THOC5: variants seen among roughly 807,000 people sequenced by gnomAD.
THOC5 encodes the protein Fms-interacting protein.
A neutral mutation model predicts 92.9 loss-of-function variants in THOC5; 43 were observed. The observed-to-expected ratio is 0.46, with a 90% CI of 0.36 to 0.60. The LOEUF (loss-of-function observed/expected upper bound fraction) is 0.60, where lower values mean the gene tolerates loss of function less well. THOC5 is among the 20% of genes least tolerant of loss of function. The probability of loss-of-function intolerance (pLI) is 0.00; values close to 1 mark genes in which losing one functional copy is unlikely to be tolerated. For missense variants in THOC5, 659 were observed against 849.4 expected (o/e 0.78, Z 2.79); for synonymous variants, 296 against 320.1 (o/e 0.92, Z 0.80).
chr22:29,530,051 G>A (rs1313124191), intron 8 of THOC5, among the ~76,000 whole-genome samples: 1 of 151,974 alleles, frequency 6.6e-6, no homozygotes, highest in Non-Finnish European at 1.5e-5. Context: ...GCTGAGACAG[G>A]AGAATTGCTT....
intron 12 of THOC5, among the ~76,000 whole-genome samples, chr22:29,522,760 T>C (rs1369497915): frequency 6.6e-6 from 1 of 151,070 alleles, no homozygotes; most frequent in African/African-American, 2.4e-5. Context: ...CCCAGCACTT[T>C]GGGAGGCCGA....
rs1046306339 is a variant in THOC5, at chr22:29,542,938, C to A, written c.373G>T (p.Ala125Ser). ...QTHEAKQKVD[A>S]YHLQLQNLLY... ...AGGTTCTGGAGCTGCAGATGATAGGCATCTACTTTCTGCTTAGCCTGAAAG... is the reference window on the plus strand; with the variant it reads ...AGGTTCTGGAGCTGCAGATGATAGGAATCTACTTTCTGCTTAGCCTGAAAG... The change falls in exon 5 of 20, where the codon GCC becomes TCC. Residue 125 changes from alanine (A) to serine (S), a missense_variant. Transcript: ENST00000490103. 2.5e-6 allele frequency: 4 copies of A among 1,612,386 alleles called. No homozygotes were observed. In the Admixed American group the frequency reaches 5.0e-5, roughly 20 times the overall value.
In THOC5 at chr22:29,525,936, C is replaced by T; in HGVS notation, c.1077G>A (p.Val359=). 6.2e-7 allele frequency: 1 copy of T among 1,612,746 alleles called. No homozygotes were observed. The highest frequency in any genetic ancestry group is 1.3e-5 in the African/African-American group (1 of 74,718). ...TGAGGTAGTAGAAAGTCAGGTGAAGCACACTGTCATCTGGAGGGGAGGAAG... is the reference window on the plus strand; with the variant it reads ...TGAGGTAGTAGAAAGTCAGGTGAAGTACACTGTCATCTGGAGGGGAGGAAG... The part of the protein sequence containing the change: ...MLDLKCKDDS[V]LHLTFYYLMN... Residue 359 remains valine, a synonymous_variant, in exon 12 of 20, where the codon GTG becomes GTA. Transcript: ENST00000490103.
chr22:29,512,216 T>G lies in THOC5; in HGVS notation c.1682-80A>C, dbSNP rs958611447. 15 of 1,063,060 alleles carry G rather than the reference T, an allele frequency of 1.4e-5. No homozygotes were observed. The African/African-American group carries it at 2.3e-4, about 17-fold the overall frequency. The allele number at this position is 1,063,060 out of a possible 1,614,324, so 65.9% of individuals were successfully genotyped here. A position where few individuals can be genotyped will look rare whatever the true frequency, so the allele number is the denominator to read the frequency against. On this transcript the variant is annotated intron_variant, in intron 17 of 19. Coordinates refer to ENST00000490103, the MANE Select transcript of THOC5 (RefSeq NM_003678.5). ...CATGGCAGCCTCCCCACTGCACCCCTGAGGCTAGCTCAGATGTCTCCTATT... is the reference window on the plus strand; with the variant it reads ...CATGGCAGCCTCCCCACTGCACCCCGGAGGCTAGCTCAGATGTCTCCTATT...
intron 1 of THOC5, among the ~76,000 whole-genome samples, chr22:29,552,676 C>A (rs992276889): frequency 1.3e-5 from 2 of 151,552 alleles, no homozygotes; most frequent in Non-Finnish European, 3.0e-5. Context: ...GGCGCCTCTG[C>A]CCGGCCGCCC....
Position 29,512,073 on chromosome 22 carries a change from A to T in THOC5, c.1745T>A (p.Leu582His). ...GYSSIPPVFQ[L>H]CLNWKGEKTN... is the part of the protein sequence containing the mutation. ...TTTCTCCCCTTTCCAGTTCAAACAG[A>T]GCTGGAAAACAGGTGGGATGGAGGA... is the stretch of plus-strand genomic sequence containing the variant. The change falls in exon 18 of 20, where the codon CTC becomes CAC. Residue 582 changes from leucine to histidine, a missense_variant. By Grantham distance (99) the Leu-to-His change is moderately conservative (BLOSUM62 -3). Coordinates refer to ENST00000490103, the MANE Select transcript of THOC5 (RefSeq NM_003678.5). 6.2e-7 allele frequency: 1 copy of T among 1,614,090 alleles called. No individual in the cohort carries two copies. Among genetic ancestry groups the T allele is most frequent in the Non-Finnish European group, 8.5e-7 (1 of 1,179,984 alleles).
chr22:29,521,630 C>T (rs1284220709), intron 12 of THOC5, among the ~76,000 whole-genome samples: 1 of 152,152 alleles, frequency 6.6e-6, no homozygotes, highest in Non-Finnish European at 1.5e-5. Context: ...CAGGAAAAGG[C>T]CCCCTGTATG....
At chr22:29,544,914 G>A (rs1036927843) in intron 2 of THOC5, 1 of 282,952 alleles carries the variant, frequency 3.5e-6, no homozygotes, top group Non-Finnish European at 6.9e-6. Context: ...GAAGATTGTG[G>A]ATAAATAAAC....
At chr22:29,524,683 C>T (rs1257988258) in intron 12 of THOC5, among the ~76,000 whole-genome samples, 1 of 152,180 alleles carries the variant, frequency 6.6e-6, no homozygotes, top group Non-Finnish European at 1.5e-5. Context: ...TCATCCAGAG[C>T]ACCCCTGGGG....
chr22:29,534,969 A>AG (rs1360276286), intron 7 of THOC5: 4 of 150,860 alleles, frequency 2.7e-5, no homozygotes, highest in African/African-American at 9.8e-5. Context: ...AAAAAAAAAA[A>AG]AAAAAAAAAG....
In THOC5 at chr22:29,531,974, G is replaced by C; in HGVS notation, c.715-11C>G. The C allele has an allele frequency of 1.9e-6, 3 of 1,613,054 alleles. No homozygotes were observed. Among genetic ancestry groups the C allele is most frequent in the Non-Finnish European group, 2.5e-6 (3 of 1,179,240 alleles). The stretch of plus-strand genomic sequence containing the variant: ...CACCGGAAGGGAAGCCTGCACACAA[G>C]AGACAGATTTTTGTTCTTCCTTTTT... On this transcript the variant is annotated splice_polypyrimidine_tract_variant and intron_variant, in intron 7 of 19. Coordinates refer to ENST00000490103, the MANE Select transcript of THOC5 (RefSeq NM_003678.5).
chr22:29,525,745 A>G, intron 12 of THOC5, 93 bp downstream of exon 12: 1 of 982,528 alleles, frequency 1.0e-6, no homozygotes, highest in South Asian at 1.4e-5. Context: ...AGCCCTCTCC[A>G]GAGCCAGAGG....
intron 12 of THOC5, among the ~76,000 whole-genome samples, chr22:29,525,551 A>G (rs1303427492): frequency 6.6e-6 from 1 of 152,168 alleles, no homozygotes; most frequent in East Asian, 1.9e-4. Context: ...CACACTTTCC[A>G]CTGGTAGCAA....
rs1263657175 is a variant in THOC5, at chr22:29,549,123, G to GT, written c.24dup (p.Arg9ThrfsTer14). 5 of 1,613,968 alleles carry GT rather than the reference G, an allele frequency of 3.1e-6. No individual in the cohort carries two copies. In the African/African-American group the frequency reaches 4.0e-5, roughly 13 times the overall value. Reference sequence around the variant, plus strand: ...TCGCTTCGGATCACTTTGGGCTTCCGTTTTTTGCTCGATTCTGATGACATG... The same window carrying GT: ...TCGCTTCGGATCACTTTGGGCTTCCGTTTTTTTGCTCGATTCTGATGACATG... On this transcript the variant is annotated frameshift_variant, in exon 2 of 20. Coordinates refer to ENST00000490103, the MANE Select transcript of THOC5 (RefSeq NM_003678.5). LOFTEE classifies it high-confidence loss of function.
Position 29,507,093 on chromosome 22 carries a change from ACTC to A in THOC5, c.*1361_*1363del, listed in dbSNP as rs1459246152. On this transcript the variant is annotated 3_prime_UTR_variant, in exon 20 of 20. Transcript: ENST00000490103. ...ACTACGTTGCCCAGGCTGGACCTGA[ACTC>A]CTGGCCTCAAGGGATCCTCCCGCCT... is the stretch of plus-strand genomic sequence containing the variant. The A allele has an allele frequency of 6.6e-6, 1 of 152,098 alleles. No individual in the cohort carries two copies. Among genetic ancestry groups the A allele is most frequent in the Non-Finnish European group, 1.5e-5 (1 of 68,116 alleles). 9.4% of individuals were successfully genotyped at this position (152,098 alleles called of 1,614,324 possible). A position where few individuals can be genotyped will look rare whatever the true frequency, so the allele number is the denominator to read the frequency against.
At chr22:29,509,982 CAG>C (rs1218765272) in intron 19 of THOC5, among the ~76,000 whole-genome samples, 2 of 152,200 alleles carry the variant, frequency 1.3e-5, no homozygotes, top group African/African-American at 2.4e-5. Flanking sequence ...TGATTAGAAA[CAG>C]ATTATCACTC....
intron 17 of THOC5, among the ~76,000 whole-genome samples, chr22:29,515,437 A>G (rs896202160): frequency 3.9e-5 from 6 of 152,116 alleles, no homozygotes; most frequent in Admixed American, 3.9e-4. Flanking sequence ...AATTTGTGTC[A>G]CCTACTTTAT....
rs554273125 is a variant in THOC5, at chr22:29,520,115, GA to G, written c.1278-12del. On this transcript the variant is annotated splice_polypyrimidine_tract_variant and intron_variant, in intron 13 of 19. Coordinates refer to ENST00000490103, the MANE Select transcript of THOC5 (RefSeq NM_003678.5). ...CTCAAAGTCAGGATGCTGCAGAAAA[GA>G]AGATAAATAAAATTGTGCTGTAAGT... is the stretch of plus-strand genomic sequence containing the variant. The G allele has an allele frequency of 1.9e-6, 3 of 1,611,796 alleles. No individual in the cohort carries two copies. In the South Asian group the frequency reaches 3.3e-5, roughly 18 times the overall value.
intron 12 of THOC5, among the ~76,000 whole-genome samples, chr22:29,524,093 TA>T (rs2063497166): frequency 6.6e-6 from 1 of 152,204 alleles, no homozygotes; most frequent in Admixed American, 6.5e-5. Context: ...CTAAAAGACC[TA>T]ATCCCAGTTT....
Sources: gnomAD v4.1 joint callset for allele counts (sites outside exome capture counted in the v4.1 genomes callset) on GRCh38, gnomAD v4.1.1 for gene constraint, MANE v1.5 for transcripts, NCBI Gene and HGNC (gene_info 2026-07-23, HGNC 2026-07-21) for gene names.